NCAM2: variants seen among roughly 807,000 people sequenced by gnomAD.
The protein encoded by NCAM2 is N-CAM-2.
Under a neutral mutation model 98.1 loss-of-function variants are expected in NCAM2, and 30 were observed. The ratio of observed to expected loss-of-function variants is 0.31; its 90% CI spans 0.23 to 0.41. The LOEUF is 0.41. Ranked by LOEUF, NCAM2 falls within the 10% of genes least tolerant of loss-of-function variation. NCAM2 has a pLI of 1.00. For missense variants in NCAM2, 867 were observed against 1,005.8 expected (o/e 0.86, Z 1.87); for synonymous variants, 368 against 342.4 (o/e 1.07, Z -0.83).
intron 17 of NCAM2, among the ~76,000 whole-genome samples, chr21:21,536,754 C>T (rs2826886): frequency 0.61 from 92,717 of 151,942 alleles, 28,695 homozygotes; most frequent in Admixed American, 0.69. Context: ...GGAGAAAAAC[C>T]CATCTCCAAA....
intron 1 of NCAM2, among the ~76,000 whole-genome samples, chr21:21,107,336 C>A (rs62207603): frequency 6.6e-6 from 1 of 151,842 alleles, no homozygotes; most frequent in African/African-American, 2.4e-5. Flanking sequence ...AAAAATAATA[C>A]CAGAGCCCAC....
chr21:21,158,058 C>T (rs1233141653), intron 1 of NCAM2, among the ~76,000 whole-genome samples: 1 of 152,020 alleles, frequency 6.6e-6, no homozygotes, highest in East Asian at 1.9e-4. Context: ...AATGTTTCTC[C>T]CTATGTTTGC....
At chr21:21,280,419 G>A (rs1207585475) in intron 1 of NCAM2, among the ~76,000 whole-genome samples, 159 bp from the exon 2 acceptor site, 2 of 152,120 alleles carry the variant, frequency 1.3e-5, no homozygotes, top group Admixed American at 1.3e-4. Flanking sequence ...ATGTATAATG[G>A]TAGATCATGT....
At chr21:21,251,820 T>A (rs952653957) in intron 1 of NCAM2, among the ~76,000 whole-genome samples, 9 of 151,808 alleles carry the variant, frequency 5.9e-5, no homozygotes, top group African/African-American at 2.2e-4. Flanking sequence ...GATGAGTAGA[T>A]TGCAAAAATG....
At chr21:21,134,989 C>G (rs2067013504) in intron 1 of NCAM2, among the ~76,000 whole-genome samples, 1 of 151,648 alleles carries the variant, frequency 6.6e-6, no homozygotes, top group Non-Finnish European at 1.5e-5. Context: ...AATCCCAGCA[C>G]TTTGGGAGGC....
chr21:21,386,576 T>C (rs1030605368), intron 9 of NCAM2, among the ~76,000 whole-genome samples: 1 of 152,162 alleles, frequency 6.6e-6, no homozygotes, highest in Non-Finnish European at 1.5e-5. Context: ...GTGAAGAGTC[T>C]TTTATTGTTA....
At chr21:21,123,911 A>C (rs1385447757) in intron 1 of NCAM2, among the ~76,000 whole-genome samples, 1 of 120,656 alleles carries the variant, frequency 8.3e-6, no homozygotes, top group Admixed American at 1.2e-4. Flanking sequence ...CAGTGGCATG[A>C]TCTTGGCTCA....
At chr21:21,135,079 CA>C (rs34541675) in intron 1 of NCAM2, among the ~76,000 whole-genome samples, 40,293 of 138,898 alleles carry the variant, frequency 0.29, 5,672 homozygotes, top group Admixed American at 0.34. Context: ...ACTAAAAATA[CA>C]AAAAAAAAAA....
intron 1 of NCAM2, among the ~76,000 whole-genome samples, chr21:21,228,604 T>G (rs188914140): frequency 2.0e-3 from 310 of 151,624 alleles, no homozygotes; most frequent in Non-Finnish European, 3.4e-3. Context: ...TATTTCAAAA[T>G]TATATGTTAA....
intron 9 of NCAM2, among the ~76,000 whole-genome samples, chr21:21,375,024 G>A (rs549572626): frequency 1.3e-5 from 2 of 151,732 alleles, no homozygotes; most frequent in African/African-American, 4.8e-5. Context: ...GGGGTTGGGG[G>A]AGAGGGGAGG....
intron 1 of NCAM2, among the ~76,000 whole-genome samples, chr21:21,248,256 T>G (rs1356420817): frequency 6.6e-6 from 1 of 152,144 alleles, no homozygotes; most frequent in Admixed American, 6.6e-5. Flanking sequence ...AAACATACAG[T>G]TATATAAAAG....
At chr21:21,458,307 A>G (rs1292959103) in intron 12 of NCAM2, among the ~76,000 whole-genome samples, 1 of 152,196 alleles carries the variant, frequency 6.6e-6, no homozygotes, top group Non-Finnish European at 1.5e-5. Flanking sequence ...CCAGGGCACA[A>G]TGTGCCCCCA....
chr21:21,492,915 C>T (rs71321794), intron 15 of NCAM2, among the ~76,000 whole-genome samples: 2 of 151,774 alleles, frequency 1.3e-5, no homozygotes, highest in Non-Finnish European at 2.9e-5. Context: ...AATAACACAC[C>T]TAAATTTTAC....
intron 4 of NCAM2, among the ~76,000 whole-genome samples, chr21:21,289,229 C>T (rs1292025131): frequency 6.6e-6 from 1 of 151,752 alleles, no homozygotes; most frequent in African/African-American, 2.4e-5. Context: ...ATTAATTCAA[C>T]AATTATGGAA....
At chr21:21,503,835 A>G (rs1040453159) in intron 15 of NCAM2, among the ~76,000 whole-genome samples, 2 of 151,962 alleles carry the variant, frequency 1.3e-5, no homozygotes, top group Non-Finnish European at 2.9e-5. Context: ...AGTAAAATAT[A>G]AACCAAATAT....
chr21:21,043,227 A>G (rs1209058709), intron 1 of NCAM2, among the ~76,000 whole-genome samples: 1 of 152,204 alleles, frequency 6.6e-6, no homozygotes, highest in Non-Finnish European at 1.5e-5. Context: ...AATTGAGTTT[A>G]TATAGGAAAT....
chr21:21,051,027 C>T (rs987361732), intron 1 of NCAM2, among the ~76,000 whole-genome samples: 1 of 152,272 alleles, frequency 6.6e-6, no homozygotes, highest in Non-Finnish European at 1.5e-5. Flanking sequence ...TTGGTGTCCA[C>T]CGTGATATGT....
At chr21:21,312,996 T>C (rs1235383554) in intron 5 of NCAM2, among the ~76,000 whole-genome samples, 1 of 151,912 alleles carries the variant, frequency 6.6e-6, no homozygotes, top group Non-Finnish European at 1.5e-5. Flanking sequence ...ATTTTCAACA[T>C]TGATAAGTTT....
chr21:21,284,203 A>C lies in NCAM2; in HGVS notation c.140A>C (p.Glu47Ala). 1 of 1,610,944 alleles carries C rather than the reference A, an allele frequency of 6.2e-7. No individual in the cohort carries two copies. The highest frequency in any genetic ancestry group is 1.1e-5 in the South Asian group (1 of 90,986). Residue 47 changes from glutamate to alanine, a missense_variant, in exon 3 of 18, where the codon GAA (glutamate) becomes GCA (alanine). Around this residue, in one of 5 missense-constraint regions of NCAM2, gnomAD observed 447 missense variants for 495.7 expected, o/e 0.90. Transcript: ENST00000400546. ...CCATGGCTCTTTGCAGCGATTGGTGAACCTGAAAGTATAGATTGGTATAAT... is the reference window on the plus strand; with the variant it reads ...CCATGGCTCTTTGCAGCGATTGGTGCACCTGAAAGTATAGATTGGTATAAT... ...SKFFTCTAIGEPESIDWYNPQ... is the reference protein window; with the variant it reads ...SKFFTCTAIGAPESIDWYNPQ...
Sources: allele counts gnomAD v4.1 joint callset (sites outside exome capture counted in the v4.1 genomes callset), GRCh38; gene constraint gnomAD v4.1.1; regional missense constraint gnomAD v4.1.1; transcripts MANE v1.5; gene names NCBI Gene and HGNC (gene_info 2026-07-23, HGNC 2026-07-21).